Variants in HCN1 observed in about 807,000 individuals in gnomAD.
HCN1 encodes hyperpolarization activated cyclic nucleotide gated potassium channel 1.
In HCN1, 13 loss-of-function variants were observed where a neutral mutation model predicts 78.9. That is an observed-to-expected ratio of 0.16 (90% CI 0.11 to 0.26). The LOEUF (loss-of-function observed/expected upper bound fraction) is 0.26, where lower values mean the gene tolerates loss of function less well. Ranked by LOEUF, HCN1 falls within the 10% of genes least tolerant of loss-of-function variation. The pLI, the probability that HCN1 is intolerant of heterozygous loss-of-function variation, is 1.00. For missense variants in HCN1, 810 were observed against 1,154.3 expected, an observed-to-expected ratio of 0.70 and a Z score of 4.32; for synonymous variants, 552 against 455.5, an observed-to-expected ratio of 1.21 and a Z score of -2.70.
At chr5:45,565,085 T>A (rs980799588) in intron 2 of HCN1, among the ~76,000 whole-genome samples, 1 of 152,148 alleles carries the variant, frequency 6.6e-6, no homozygotes, top group Non-Finnish European at 1.5e-5. Context: ...TAAATTAAAA[T>A]TGAACTGTCA....
intron 2 of HCN1, among the ~76,000 whole-genome samples, chr5:45,636,494 A>G (rs2112019045): frequency 6.6e-6 from 1 of 152,276 alleles, no homozygotes; most frequent in Middle Eastern, 3.4e-3. Flanking sequence ...GCTTTGTCCT[A>G]AATTAGCCTG....
chr5:45,506,794 G>T (rs937063142), intron 2 of HCN1, among the ~76,000 whole-genome samples: 4 of 151,910 alleles, frequency 2.6e-5, no homozygotes, highest in African/African-American at 7.3e-5. Context: ...TTATTCATTT[G>T]ATATTAATCT....
chr5:45,524,125 C>T (rs186298027), intron 2 of HCN1, among the ~76,000 whole-genome samples: 18 of 152,280 alleles, frequency 1.2e-4, no homozygotes, highest in Admixed American at 2.0e-4. Flanking sequence ...GGAATCCTTT[C>T]GCCATTTCTT....
intron 2 of HCN1, among the ~76,000 whole-genome samples, chr5:45,634,552 G>A (rs558825368): frequency 6.6e-6 from 1 of 152,014 alleles, no homozygotes; most frequent in East Asian, 1.9e-4. Flanking sequence ...TCTAAAGTCA[G>A]TGTTTATGTG....
At chr5:45,545,950 G>A (rs974475919) in intron 2 of HCN1, among the ~76,000 whole-genome samples, 19 of 151,990 alleles carry the variant, frequency 1.3e-4, no homozygotes, top group Admixed American at 2.6e-4. Context: ...TTAATGCTCC[G>A]TGTAATCTTC....
intron 1 of HCN1, among the ~76,000 whole-genome samples, chr5:45,689,703 G>T (rs1739871573): frequency 6.6e-6 from 1 of 152,056 alleles, no homozygotes; most frequent in African/African-American, 2.4e-5. Context: ...GCATATATCG[G>T]CTGAAATTAT....
intron 5 of HCN1, among the ~76,000 whole-genome samples, chr5:45,307,652 A>G (rs1745762787): frequency 6.6e-6 from 1 of 152,120 alleles, no homozygotes; most frequent in Non-Finnish European, 1.5e-5. Flanking sequence ...GATCAAGGTA[A>G]TCAAAAACAA....
In HCN1 at chr5:45,261,797, C is replaced by T; in HGVS notation, c.*124G>A. ...ATTTTTACATTTCACGTGTAGGCCACAGCTGTCTAAAATATCTCTTCATAG... is the reference window on the plus strand; with the variant it reads ...ATTTTTACATTTCACGTGTAGGCCATAGCTGTCTAAAATATCTCTTCATAG... On this transcript the variant is annotated 3_prime_UTR_variant, in exon 8 of 8. Coordinates refer to ENST00000303230, the MANE Select transcript of HCN1 (RefSeq NM_021072.4). 3.3e-6 allele frequency: 4 copies of T among 1,194,414 alleles called. No individual in the cohort carries two copies. The highest frequency in any genetic ancestry group is 4.9e-6 in the Non-Finnish European group (4 of 809,914). The allele number at this position is 1,194,414 out of a possible 1,614,324, so 74.0% of individuals were successfully genotyped here.
intron 2 of HCN1, chr5:45,557,972 T>C (rs1743508626): frequency 6.6e-6 from 1 of 151,986 alleles, no homozygotes; most frequent in South Asian, 2.1e-4. Context: ...CTCATGTGAA[T>C]CAAAAGCTAG....
At chr5:45,563,713 C>A (rs1679947999) in intron 2 of HCN1, among the ~76,000 whole-genome samples, 1 of 151,428 alleles carries the variant, frequency 6.6e-6, no homozygotes, top group Non-Finnish European at 1.5e-5. Flanking sequence ...TATTCAACCT[C>A]TTTTTAGTGA....
At chr5:45,373,057 A>G (rs930377393) in intron 4 of HCN1, among the ~76,000 whole-genome samples, 45 of 136,236 alleles carry the variant, frequency 3.3e-4, no homozygotes, top group Non-Finnish European at 6.2e-4. Context: ...TATAATATAT[A>G]TAAAATATAT....
Position 45,353,229 on chromosome 5 carries a change from T to C in HCN1, c.1248A>G (p.Gln416=). 1 of 1,605,120 alleles carries C rather than the reference T, an allele frequency of 6.2e-7. No homozygotes were observed. Among genetic ancestry groups the C allele is most frequent in the Non-Finnish European group, 8.5e-7 (1 of 1,172,456 alleles). Residue 416 remains glutamine, a synonymous_variant, in exon 5 of 8, where the codon CAA becomes CAG. Coordinates refer to ENST00000303230, the MANE Select transcript of HCN1 (RefSeq NM_021072.4). ...CTGGTAACTTATGGAATGACATGTA[T>C]TGTTCCACTTGCTTATACTGTAAGG... ...QYQEKYKQVE[Q]YMSFHKLPAD...
Position 45,257,862 on chromosome 5 carries a change from G to C in HCN1, c.*4059C>G, listed in dbSNP as rs1744651026. 6.6e-6 allele frequency: 1 copy of C among 152,034 alleles called. No homozygotes were observed. The highest frequency in any genetic ancestry group is 2.4e-5 in the African/African-American group (1 of 41,356). The allele number at this position is 152,034 out of a possible 1,614,324, so 9.4% of individuals were successfully genotyped here. A position where few individuals can be genotyped will look rare whatever the true frequency, so the allele number is the denominator to read the frequency against. The stretch of plus-strand genomic sequence containing the variant: ...CAATTTGGTGCATGCAGCAACCACA[G>C]TTCCTTAAATTTTTGGCCATTGTTT... On this transcript the variant is annotated 3_prime_UTR_variant, in exon 8 of 8. Transcript: ENST00000303230.
At chr5:45,594,306 T>A (rs924033734) in intron 2 of HCN1, among the ~76,000 whole-genome samples, 1 of 152,158 alleles carries the variant, frequency 6.6e-6, no homozygotes, top group East Asian at 1.9e-4. Context: ...GCCTCTAGTA[T>A]CCTCTCTCTG....
intron 4 of HCN1, among the ~76,000 whole-genome samples, chr5:45,374,396 G>A (rs1035327960): frequency 7.0e-6 from 1 of 143,846 alleles, no homozygotes; most frequent in Non-Finnish European, 1.5e-5. Flanking sequence ...AGACTACCAC[G>A]ATGAAGAAAT....
chr5:45,437,318 A>G (rs1343437575), intron 3 of HCN1, among the ~76,000 whole-genome samples: 2 of 152,298 alleles, frequency 1.3e-5, no homozygotes, highest in East Asian at 3.9e-4. Context: ...TAAAACACAA[A>G]CTCTGAAAAT....
At chr5:45,593,644 CATTATT>C (rs71000644) in intron 2 of HCN1, among the ~76,000 whole-genome samples, 11 of 146,970 alleles carry the variant, frequency 7.5e-5, no homozygotes, top group Non-Finnish European at 1.3e-4. Flanking sequence ...TAGCTATTTT[CATTATT>C]ATTATTATTA....
chr5:45,479,983 T>C (rs561399121), intron 2 of HCN1: 2 of 152,598 alleles, frequency 1.3e-5, no homozygotes, highest in Admixed American at 6.5e-5. Context: ...CAAAAACTTC[T>C]AATGACTTAC....
intron 2 of HCN1, among the ~76,000 whole-genome samples, chr5:45,584,005 G>C (rs556227051): frequency 1.3e-5 from 2 of 152,278 alleles, no homozygotes; most frequent in African/African-American, 4.8e-5. Flanking sequence ...TGTATATTCT[G>C]TTGATTTGGG....
Sources: gnomAD v4.1 joint callset for allele counts (sites outside exome capture counted in the v4.1 genomes callset) on GRCh38, gnomAD v4.1.1 for gene constraint, MANE v1.5 for transcripts, NCBI Gene and HGNC (gene_info 2026-07-23, HGNC 2026-07-21) for gene names.